The following TADA1 variants were observed in gnomAD, a reference collection of about 807,000 sequenced individuals.
The protein encoded by TADA1 is transcriptional adaptor 1.
Under a neutral mutation model 39.3 loss-of-function variants are expected in TADA1, and 23 were observed. The observed-to-expected ratio is 0.58, with a 90% CI of 0.42 to 0.83. The LOEUF is 0.83. Among genes scored for constraint, TADA1 ranks in the 40% least tolerant of loss-of-function variants. TADA1 has a pLI of 0.00. For synonymous variants in TADA1, 137 were observed against 151.8 expected (o/e 0.90, Z 0.72); for missense variants, 352 against 408.1 (o/e 0.86, Z 1.18).
chr1:166,862,823 C>G, intron 4 of TADA1: 1 of 198,690 alleles, frequency 5.0e-6, no homozygotes, highest in Admixed American at 5.4e-5. Flanking sequence ...TCTTAAAAAG[C>G]CTAGCTAACC....
chr1:166,869,867 A>T lies in TADA1; in HGVS notation c.75-13T>A. The T allele has an allele frequency of 6.2e-7, 1 of 1,608,284 alleles. No individual in the cohort carries two copies. The highest frequency in any genetic ancestry group is 1.1e-5 in the South Asian group (1 of 90,592). ...GTTAGCCCAGTATCTGCAGAGGCAG[A>T]AACAATACTAAGAACCACAGATTTG... On this transcript the variant is annotated splice_polypyrimidine_tract_variant and intron_variant, in intron 1 of 7. Coordinates refer to ENST00000367874, the MANE Select transcript of TADA1 (RefSeq NM_053053.4).
At chr1:166,862,489 T>C in intron 4 of TADA1, 77 bp from the exon 5 acceptor site, 4 of 1,208,992 alleles carry the variant, frequency 3.3e-6, no homozygotes, top group East Asian at 2.4e-5. Flanking sequence ...TGTACTGAAG[T>C]TGAGATCCTC....
chr1:166,870,782 T>C lies in TADA1; in HGVS notation c.75-928A>G, dbSNP rs115787426. The stretch of plus-strand genomic sequence containing the variant: ...AGGTCAGGGCTGCGGCGAGCCATGA[T>C]CACACCACTACACTCCAGCCTGGGT... On this transcript the variant is annotated intron_variant, in intron 1 of 7. Transcript: ENST00000367874. Among the ~76,000 whole-genome samples, 190 of 152,230 alleles carry C rather than the reference T, an allele frequency of 1.2e-3. 1 individual carries two copies. The highest frequency in any genetic ancestry group is 3.4e-3 in the Middle Eastern group (1 of 294).
At chr1:166,867,240 A>G (rs982538904) in intron 3 of TADA1, among the ~76,000 whole-genome samples, 2 of 152,008 alleles carry the variant, frequency 1.3e-5, no homozygotes, top group African/African-American at 4.8e-5. Flanking sequence ...ACTTCTGATC[A>G]CTCCATTTAT....
chr1:166,871,953 TA>T (rs1557911440), intron 1 of TADA1, among the ~76,000 whole-genome samples: 1 of 152,166 alleles, frequency 6.6e-6, no homozygotes, highest in Non-Finnish European at 1.5e-5. Flanking sequence ...GTTCCAGAAC[TA>T]AAACAAGGCT....
At chr1:166,869,325 C>A in intron 3 of TADA1, 120 bp downstream of exon 3, 6 of 596,668 alleles carry the variant, frequency 1.0e-5, no homozygotes, top group Non-Finnish European at 1.1e-5. Context: ...CCTAATAAAA[C>A]TTTTCTTCTG....
intron 1 of TADA1, among the ~76,000 whole-genome samples, chr1:166,871,457 T>C (rs1658659233): frequency 6.6e-6 from 1 of 152,244 alleles, no homozygotes; most frequent in African/African-American, 2.4e-5. Context: ...TCAAGTCATC[T>C]TAGTATCTCT....
intron 3 of TADA1, chr1:166,868,897 C>T (rs1280904967): frequency 5.3e-6 from 1 of 189,312 alleles, no homozygotes; most frequent in East Asian, 1.5e-4. Flanking sequence ...ACAATACCAC[C>T]TAGGGAGAAA....
rs1658436518 is a variant in TADA1, at chr1:166,862,383, T to C, written c.360A>G (p.Ser120=). 6.2e-7 allele frequency: 1 copy of C among 1,614,074 alleles called. No individual in the cohort carries two copies. The part of the protein sequence containing the change: ...DHRFQPQNPL[S]GAQQFVAKDP... The stretch of plus-strand genomic sequence containing the variant: ...CCTTTGCCACAAATTGCTGGGCTCC[T>C]GAGAGAGGATTTTGAGGCTGGAATC... The change falls in exon 5 of 8, where the codon TCA becomes TCG. Residue 120 remains serine (S), a synonymous_variant. Coordinates refer to ENST00000367874, the MANE Select transcript of TADA1 (RefSeq NM_053053.4).
chr1:166,874,812 GTAAA>G (rs1658729886), intron 1 of TADA1, among the ~76,000 whole-genome samples: 1 of 152,166 alleles, frequency 6.6e-6, no homozygotes, highest in South Asian at 2.1e-4. Flanking sequence ...ATCTCTGGGC[GTAAA>G]TAAATGTTCA....
Position 166,858,106 on chromosome 1 carries a change from A to G in TADA1, c.855+13T>C, listed in dbSNP as rs1273752035. ...CCATAAACCTAGGTAAACTTTAAGG[A>G]GCCAAGACTTACCTGCAAAGCTTCA... On this transcript the variant is annotated intron_variant, in intron 7 of 7. Transcript: ENST00000367874. 1 of 1,614,104 alleles carries G rather than the reference A, an allele frequency of 6.2e-7. No individual in the cohort carries two copies. The highest frequency in any genetic ancestry group is 1.7e-5 in the Admixed American group (1 of 60,008).
intron 3 of TADA1, among the ~76,000 whole-genome samples, chr1:166,865,692 A>G (rs1333410403): frequency 1.3e-5 from 2 of 151,736 alleles, no homozygotes; most frequent in Admixed American, 1.3e-4. Flanking sequence ...GGTGGTGGGC[A>G]CCTGTAGTCC....
rs777110236 is a variant in TADA1, at chr1:166,857,760, T to G, written c.856-41A>C. The stretch of plus-strand genomic sequence containing the variant: ...TAACGCATGTCCAATTATACTTGAG[T>G]AGACTTATTTTTCTGACATATAAAA... On this transcript the variant is annotated intron_variant, in intron 7 of 7. Coordinates refer to ENST00000367874, the MANE Select transcript of TADA1 (RefSeq NM_053053.4). 1.6e-5 allele frequency: 25 copies of G among 1,592,650 alleles called. No homozygotes were observed. The Admixed American group carries it at 4.4e-4, about 28-fold the overall frequency.
At chr1:166,869,907 T>C in intron 1 of TADA1, 53 bp from the exon 2 acceptor site, 1 of 1,482,472 alleles carries the variant, frequency 6.7e-7, no homozygotes, top group Non-Finnish European at 9.3e-7. Context: ...CTTCTAGTTT[T>C]TTTTGTTTGT....
At chr1:166,864,752 T>A (rs1048553946) in intron 3 of TADA1, among the ~76,000 whole-genome samples, 1 of 152,112 alleles carries the variant, frequency 6.6e-6, no homozygotes. Context: ...CTCATTCCCA[T>A]GCACAGAATG....
chr1:166,862,085 G>C (rs1658428397), intron 5 of TADA1, 118 bp downstream of exon 5: 11 of 1,046,602 alleles, frequency 1.1e-5, no homozygotes, highest in Non-Finnish European at 1.5e-5. Flanking sequence ...CTTCAACAAT[G>C]ACAATTCTGT....
At chr1:166,871,390 A>G (rs943763788) in intron 1 of TADA1, among the ~76,000 whole-genome samples, 1 of 152,208 alleles carries the variant, frequency 6.6e-6, no homozygotes, top group Non-Finnish European at 1.5e-5. Context: ...GGATGATTTA[A>G]TATTTTCACT....
intron 3 of TADA1, among the ~76,000 whole-genome samples, chr1:166,866,878 A>G (rs10800271): frequency 0.42 from 64,024 of 151,350 alleles, 13,719 homozygotes; most frequent in Middle Eastern, 0.52. Flanking sequence ...CCTAGTACCC[A>G]GGATTACAGG....
chr1:166,863,466 ACCAGGACC>A (rs1000985930), intron 4 of TADA1, among the ~76,000 whole-genome samples: 1 of 152,164 alleles, frequency 6.6e-6, no homozygotes, highest in African/African-American at 2.4e-5. Context: ...GCTGGACATC[ACCAGGACC>A]CCATTAAAGG....
Sources: allele counts gnomAD v4.1 joint callset (sites outside exome capture counted in the v4.1 genomes callset), GRCh38; gene constraint gnomAD v4.1.1; transcripts MANE v1.5; gene names NCBI Gene and HGNC (gene_info 2026-07-23, HGNC 2026-07-21).